The following SSBP2 variants were observed in gnomAD, a reference collection of about 807,000 sequenced individuals.
SSBP2 encodes the protein single-stranded DNA-binding protein 2.
Under a neutral mutation model 61.8 loss-of-function variants are expected in SSBP2, and 17 were observed. The ratio of observed to expected loss-of-function variants is 0.28; its 90% confidence interval spans 0.19 to 0.41. The LOEUF (loss-of-function observed/expected upper bound fraction) is 0.41, where lower values mean the gene tolerates loss of function less well. Among genes scored for constraint, SSBP2 ranks in the 10% least tolerant of loss-of-function variants. SSBP2 has a pLI of 1.00. For missense variants in SSBP2, 310 were observed against 458.7 expected, an observed-to-expected ratio of 0.68 and a Z score of 2.96; for synonymous variants, 139 against 141.3, an observed-to-expected ratio of 0.98 and a Z score of 0.12.
intron 5 of SSBP2, among the ~76,000 whole-genome samples, chr5:81,501,715 A>G (rs1002586796): frequency 6.6e-6 from 1 of 150,562 alleles, no homozygotes; most frequent in African/African-American, 2.4e-5. Context: ...GGCGCCCACC[A>G]CCACGCCCGG....
chr5:81,436,409 A>T (rs1374365510), intron 15 of SSBP2, among the ~76,000 whole-genome samples: 1 of 152,082 alleles, frequency 6.6e-6, no homozygotes, highest in African/African-American at 2.4e-5. Context: ...TTTTGTAAAC[A>T]TGATTGTTTC....
At chr5:81,457,900 G>A (rs1764273010) in intron 10 of SSBP2, among the ~76,000 whole-genome samples, 1 of 152,052 alleles carries the variant, frequency 6.6e-6, no homozygotes, top group African/African-American at 2.4e-5. Context: ...GACCTCACGT[G>A]ATCCACCTGC....
chr5:81,615,682 T>C (rs1200857263), intron 3 of SSBP2, 125 bp from the exon 4 acceptor site: 2 of 611,524 alleles, frequency 3.3e-6, no homozygotes, highest in Admixed American at 3.1e-5. Flanking sequence ...CAGATATCTA[T>C]CTGAAAGACT....
chr5:81,703,967 T>A (rs1031068163), intron 1 of SSBP2, among the ~76,000 whole-genome samples: 1 of 152,336 alleles, frequency 6.6e-6, no homozygotes, highest in South Asian at 2.1e-4. Flanking sequence ...CATCTGACTA[T>A]GGAGCTTTAC....
chr5:81,636,735 CATG>C (rs1748275525), intron 2 of SSBP2, 117 bp from the exon 3 acceptor site: 2 of 873,378 alleles, frequency 2.3e-6, no homozygotes, highest in African/African-American at 1.7e-5. Context: ...TCATCATTTT[CATG>C]ATATTTTTTA....
At chr5:81,423,120 A>AT (rs1761716016) in intron 16 of SSBP2, among the ~76,000 whole-genome samples, 1 of 152,236 alleles carries the variant, frequency 6.6e-6, no homozygotes, top group Admixed American at 6.5e-5. Context: ...GCACAGATAA[A>AT]TTTAATCTAT....
intron 4 of SSBP2, among the ~76,000 whole-genome samples, chr5:81,611,148 T>C (rs946401776): frequency 2.0e-5 from 3 of 152,194 alleles, no homozygotes; most frequent in African/African-American, 7.2e-5. Context: ...GTACTTGAAA[T>C]TGTGAGGCTT....
chr5:81,619,564 A>C (rs946614232), intron 3 of SSBP2, among the ~76,000 whole-genome samples: 2 of 148,250 alleles, frequency 1.3e-5, no homozygotes, highest in Non-Finnish European at 3.0e-5. Flanking sequence ...AAACTATTCC[A>C]ATCAATAGAA....
At chr5:81,660,305 A>G (rs1031136913) in intron 1 of SSBP2, among the ~76,000 whole-genome samples, 1 of 151,880 alleles carries the variant, frequency 6.6e-6, no homozygotes, top group African/African-American at 2.4e-5. Context: ...CAAGAAACTT[A>G]AAAAAATGCA....
intron 4 of SSBP2, among the ~76,000 whole-genome samples, chr5:81,542,829 C>CTCTT (rs1554083529): frequency 4.1e-5 from 6 of 146,784 alleles, no homozygotes; most frequent in Admixed American, 1.3e-4. Context: ...CTCTCTCTCT[C>CTCTT]TCTCTCTCTC....
At chr5:81,589,246 T>C (rs146296789) in intron 4 of SSBP2, among the ~76,000 whole-genome samples, 2 of 152,176 alleles carry the variant, frequency 1.3e-5, no homozygotes, top group Non-Finnish European at 2.9e-5. Flanking sequence ...AAAAGACATA[T>C]TTTGAGATAT....
At chr5:81,669,703 T>C (rs111454851) in intron 1 of SSBP2, among the ~76,000 whole-genome samples, 164 of 151,832 alleles carry the variant, frequency 1.1e-3, no homozygotes, top group African/African-American at 3.5e-3. Context: ...CAGGTCAATA[T>C]GTGCAGCAAA....
At chr5:81,430,877 T>A (rs1258305677) in intron 15 of SSBP2, among the ~76,000 whole-genome samples, 1 of 152,310 alleles carries the variant, frequency 6.6e-6, no homozygotes, top group African/African-American at 2.4e-5. Flanking sequence ...CCTGAAGTGA[T>A]AGGACAATTG....
At chr5:81,581,671 T>A (rs1414928584) in intron 4 of SSBP2, among the ~76,000 whole-genome samples, 1 of 152,206 alleles carries the variant, frequency 6.6e-6, no homozygotes, top group Non-Finnish European at 1.5e-5. Flanking sequence ...TAAAGTGTAT[T>A]TTATATTTTG....
At chr5:81,750,071 G>C (rs1002976392) in intron 1 of SSBP2, among the ~76,000 whole-genome samples, 2 of 149,900 alleles carry the variant, frequency 1.3e-5, no homozygotes, top group African/African-American at 4.9e-5. Flanking sequence ...GGGGCTGCCA[G>C]CCTCACAAAA....
intron 1 of SSBP2, among the ~76,000 whole-genome samples, chr5:81,689,961 AGTAAAT>A (rs1463573799): frequency 6.6e-6 from 1 of 152,116 alleles, no homozygotes; most frequent in Non-Finnish European, 1.5e-5. Context: ...GTGGGGATGA[AGTAAAT>A]GTAGAGTTTT....
intron 4 of SSBP2, among the ~76,000 whole-genome samples, chr5:81,547,688 G>T (rs950582717): frequency 5.3e-5 from 8 of 152,092 alleles, no homozygotes; most frequent in African/African-American, 1.7e-4. Context: ...GCCCAGGCTG[G>T]TCTCAAACTC....
intron 1 of SSBP2, among the ~76,000 whole-genome samples, chr5:81,687,100 G>C (rs1277446405): frequency 6.6e-6 from 1 of 152,174 alleles, no homozygotes; most frequent in African/African-American, 2.4e-5. Flanking sequence ...GCACTGAAGA[G>C]AGTAGAAAAG....
intron 4 of SSBP2, among the ~76,000 whole-genome samples, chr5:81,525,509 C>T (rs146274630): frequency 1.6e-4 from 25 of 152,042 alleles, no homozygotes; most frequent in African/African-American, 6.0e-4. Context: ...AGAGTTCTTT[C>T]CTCATATTAA....
Sources: allele counts gnomAD v4.1 joint callset (sites outside exome capture counted in the v4.1 genomes callset), GRCh38; gene constraint gnomAD v4.1.1; transcripts MANE v1.5; gene names NCBI Gene and HGNC (gene_info 2026-07-23, HGNC 2026-07-21).